NRG1: variants seen among roughly 807,000 people sequenced by gnomAD.
The protein encoded by NRG1 is neuregulin 1, also known as pro-neuregulin-1, membrane-bound isoform.
In NRG1, 18 loss-of-function variants were observed where a neutral mutation model predicts 63.8. The ratio of observed to expected loss-of-function variants is 0.28; its 90% confidence interval spans 0.19 to 0.42. NRG1 has a LOEUF of 0.42. Ranked by LOEUF, NRG1 falls within the 10% of genes least tolerant of loss-of-function variation. NRG1 has a pLI of 1.00. For synonymous variants in NRG1, 302 were observed against 301.3 expected (o/e 1.00, Z -0.02); for missense variants, 762 against 814.7 (o/e 0.94, Z 0.79).
At chr8:31,955,600 G>A (rs115185045) in intron 1 of NRG1, among the ~76,000 whole-genome samples, 2,141 of 152,260 alleles carry the variant, frequency 0.014, 45 homozygotes, top group African/African-American at 0.048. Flanking sequence ...GGCTGTCGGT[G>A]CTTTTTGGAA....
chr8:31,949,753 G>A lies in NRG1; in HGVS notation c.37+310322G>A, dbSNP rs141593153. ...ATTGTTGGTACCACGTACATTATTG[G>A]CAGTCTCATGAAGCCTATAGACTCG... On this transcript the variant is annotated intron_variant, in intron 1 of 10. Coordinates refer to the NRG1 transcript ENST00000519301. Among the ~76,000 whole-genome samples the A allele has an allele frequency of 1.0e-3, 155 of 152,194 alleles. 1 individual carries two copies. Among genetic ancestry groups the A allele is most frequent in the Admixed American group, 2.1e-3 (32 of 15,268 alleles).
intron 1 of NRG1, among the ~76,000 whole-genome samples, chr8:31,919,561 C>T (rs576329042): frequency 1.2e-4 from 18 of 152,106 alleles, no homozygotes; most frequent in African/African-American, 3.9e-4. Context: ...TTTAAGGAGG[C>T]AGCTGTTAAA....
chr8:32,289,587 T>A (rs1853952219), intron 1 of NRG1, among the ~76,000 whole-genome samples: 1 of 152,222 alleles, frequency 6.6e-6, no homozygotes, highest in Admixed American at 6.5e-5. Flanking sequence ...ATTTTAAAAA[T>A]CCTTCTTAAG....
intron 1 of NRG1, among the ~76,000 whole-genome samples, chr8:32,167,855 A>G (rs1297162779): frequency 1.3e-5 from 2 of 152,238 alleles, no homozygotes; most frequent in African/African-American, 2.4e-5. Context: ...AGCATGGATC[A>G]TTGGAGCCTC....
At chr8:31,855,062 G>A (rs1222007407) in intron 1 of NRG1, among the ~76,000 whole-genome samples, 1 of 152,128 alleles carries the variant, frequency 6.6e-6, no homozygotes, top group African/African-American at 2.4e-5. Flanking sequence ...TAGGTGTGGT[G>A]TGGTGCTGAA....
At chr8:32,384,212 G>T (rs35310935) in intron 1 of NRG1, among the ~76,000 whole-genome samples, 1 of 151,966 alleles carries the variant, frequency 6.6e-6, no homozygotes, top group African/African-American at 2.4e-5. Flanking sequence ...ACTCCAGCCC[G>T]GGTGACAGAG....
At chr8:32,579,782 T>G (rs897665048) in intron 1 of NRG1, among the ~76,000 whole-genome samples, 8 of 152,132 alleles carry the variant, frequency 5.3e-5, no homozygotes, top group Non-Finnish European at 1.2e-4. Context: ...GCAACATGAG[T>G]TCATGAATTT....
chr8:31,767,988 A>G (rs959402775), intron 1 of NRG1, among the ~76,000 whole-genome samples: 1 of 152,184 alleles, frequency 6.6e-6, no homozygotes, highest in Non-Finnish European at 1.5e-5. Context: ...AATTGACACA[A>G]GAACAAGAAC....
chr8:32,578,623 C>A (rs1240393917), intron 1 of NRG1, among the ~76,000 whole-genome samples: 1 of 152,074 alleles, frequency 6.6e-6, no homozygotes, highest in Non-Finnish European at 1.5e-5. Context: ...GAATGGCCTT[C>A]ATGACCATAA....
At chr8:32,439,008 T>C (rs560203337) in intron 1 of NRG1, among the ~76,000 whole-genome samples, 4 of 152,254 alleles carry the variant, frequency 2.6e-5, no homozygotes, top group Non-Finnish European at 4.4e-5. Flanking sequence ...TACTGTTTTT[T>C]TCCACAAGGC....
intron 1 of NRG1, among the ~76,000 whole-genome samples, chr8:32,386,612 A>T (rs1035127597): frequency 2.0e-5 from 3 of 152,230 alleles, no homozygotes; most frequent in Non-Finnish European, 4.4e-5. Flanking sequence ...GTCCTCATGT[A>T]GTTTACATTC....
At chr8:32,054,859 CTTTCTTTTTTTTTTTTTTT>C (rs1822608289) in intron 1 of NRG1, among the ~76,000 whole-genome samples, 6 of 70,688 alleles carry the variant, frequency 8.5e-5, no homozygotes, top group African/African-American at 2.8e-4. Flanking sequence ...AGATTTCTTT[CTTTCTTTTTTTTTTTTTTT>C]TTTTTTTTTT....
chr8:32,067,113 A>G (rs188671190), intron 1 of NRG1, among the ~76,000 whole-genome samples: 121 of 152,310 alleles, frequency 7.9e-4, no homozygotes, highest in Middle Eastern at 6.8e-3. Flanking sequence ...TTTTCTAAAT[A>G]TACAATCATA....
At chr8:32,704,442 A>G (rs1176042410) in intron 5 of NRG1, among the ~76,000 whole-genome samples, 5 of 152,254 alleles carry the variant, frequency 3.3e-5, no homozygotes, top group African/African-American at 4.8e-5. Flanking sequence ...CAACTTCTGT[A>G]TAATGAACTG....
At chr8:32,084,562 T>TA (rs1400952150) in intron 1 of NRG1, among the ~76,000 whole-genome samples, 1 of 152,148 alleles carries the variant, frequency 6.6e-6, no homozygotes, top group Non-Finnish European at 1.5e-5. Flanking sequence ...ATTGAGTTTT[T>TA]AAAAAAAATT....
chr8:31,972,493 A>G (rs898209587), intron 1 of NRG1, among the ~76,000 whole-genome samples: 5 of 152,112 alleles, frequency 3.3e-5, no homozygotes, highest in African/African-American at 1.2e-4. Context: ...GCATCCTTCT[A>G]AGGCTCGCTT....
intron 1 of NRG1, among the ~76,000 whole-genome samples, chr8:32,473,229 T>C (rs1824071211): frequency 6.6e-6 from 1 of 152,250 alleles, no homozygotes; most frequent in Non-Finnish European, 1.5e-5. Context: ...ATTACTATTC[T>C]TTTTAAAAAT....
At chr8:32,330,044 A>G (rs1802462103) in intron 1 of NRG1, among the ~76,000 whole-genome samples, 2 of 18,330 alleles carry the variant, frequency 1.1e-4, no homozygotes, top group Non-Finnish European at 1.8e-4. Flanking sequence ...AGCTAATTAA[A>G]AAAAAAAAAA....
At chr8:32,738,431 C>T (rs1191719961) in intron 6 of NRG1, among the ~76,000 whole-genome samples, 4 of 151,688 alleles carry the variant, frequency 2.6e-5, no homozygotes, top group African/African-American at 9.7e-5. Flanking sequence ...TACATACACA[C>T]ACACACACAC....
Sources: gnomAD v4.1 joint callset for allele counts (sites outside exome capture counted in the v4.1 genomes callset) on GRCh38, gnomAD v4.1.1 for gene constraint, MANE v1.5 for transcripts, NCBI Gene and HGNC (gene_info 2026-07-23, HGNC 2026-07-21) for gene names.